The following FYB1 variants were observed in gnomAD, a reference collection of about 807,000 sequenced individuals.
FYB1 encodes the protein FYN binding protein 1.
In FYB1, 41 loss-of-function variants were observed where a neutral mutation model predicts 94.1. That is an observed-to-expected ratio of 0.44 (90% CI 0.34 to 0.57). The LOEUF (loss-of-function observed/expected upper bound fraction) is 0.57. Among genes scored for constraint, FYB1 ranks in the 20% least tolerant of loss-of-function variants. FYB1 has a pLI of 0.02. For missense variants in FYB1, 1,050 were observed against 976.8 expected (o/e 1.07, Z -1.00); for synonymous variants, 367 against 353.2 (o/e 1.04, Z -0.44).
At chr5:39,200,461 T>C (rs1392555774) in intron 2 of FYB1, among the ~76,000 whole-genome samples, 1 of 152,192 alleles carries the variant, frequency 6.6e-6, no homozygotes, top group Non-Finnish European at 1.5e-5. Flanking sequence ...ATGGAGGTCA[T>C]AATACTAAAT....
At chr5:39,152,229 G>A (rs538177240) in intron 3 of FYB1, among the ~76,000 whole-genome samples, 1 of 152,164 alleles carries the variant, frequency 6.6e-6, no homozygotes, top group South Asian at 2.1e-4. Context: ...TAGCCAGGAA[G>A]CTGCTCTAGC....
chr5:39,118,112 C>T (rs773844555), intron 16 of FYB1, among the ~76,000 whole-genome samples: 11 of 152,138 alleles, frequency 7.2e-5, no homozygotes, highest in Non-Finnish European at 1.5e-4. Flanking sequence ...CTATGTTGCT[C>T]AGGCTGGTCT....
intron 1 of FYB1, among the ~76,000 whole-genome samples, chr5:39,232,503 C>T (rs1038530965): frequency 2.0e-5 from 3 of 151,134 alleles, no homozygotes; most frequent in Admixed American, 6.6e-5. Context: ...GTAAGTGTGA[C>T]ATTTTAGCAT....
chr5:39,137,051 G>C (rs1263459055), intron 7 of FYB1, among the ~76,000 whole-genome samples: 1 of 152,076 alleles, frequency 6.6e-6, no homozygotes, highest in Non-Finnish European at 1.5e-5. Context: ...GAATACAGAG[G>C]TCAGAATCCA....
chr5:39,205,330 T>C (rs560147342), intron 1 of FYB1, among the ~76,000 whole-genome samples: 2 of 152,312 alleles, frequency 1.3e-5, no homozygotes, highest in African/African-American at 2.4e-5. Context: ...CAAAATTCTT[T>C]AGGCTTAGTT....
intron 1 of FYB1, among the ~76,000 whole-genome samples, chr5:39,261,750 A>AAAAAG (rs111800452): frequency 0.11 from 16,091 of 151,780 alleles, 1,100 homozygotes; most frequent in African/African-American, 0.19. Context: ...CTGTCTCAAA[A>AAAAAG]AAAAGAAAAG....
intron 2 of FYB1, among the ~76,000 whole-genome samples, chr5:39,166,994 T>C (rs1461939742): frequency 3.3e-5 from 5 of 152,052 alleles, no homozygotes; most frequent in South Asian, 2.1e-4. Context: ...AGTCAAAATA[T>C]AGCACATAAA....
intron 1 of FYB1, among the ~76,000 whole-genome samples, chr5:39,237,219 C>T (rs1751004275): frequency 6.6e-6 from 1 of 151,924 alleles, no homozygotes; most frequent in Admixed American, 6.6e-5. Context: ...GCCAGAGGCA[C>T]CACAAAAGAT....
intron 1 of FYB1, among the ~76,000 whole-genome samples, chr5:39,262,353 G>A (rs886205414): frequency 2.0e-5 from 3 of 152,106 alleles, no homozygotes; most frequent in African/African-American, 7.2e-5. Flanking sequence ...ATAATTTACA[G>A]AAGAGTTTAT....
intron 2 of FYB1, among the ~76,000 whole-genome samples, chr5:39,175,498 T>C (rs1356926649): frequency 1.3e-5 from 2 of 152,220 alleles, no homozygotes; most frequent in Non-Finnish European, 2.9e-5. Flanking sequence ...CTCTGCCTTC[T>C]TCTGGGACTT....
At chr5:39,271,594 C>T (rs1432514233) in intron 1 of FYB1, among the ~76,000 whole-genome samples, 2 of 152,132 alleles carry the variant, frequency 1.3e-5, no homozygotes, top group African/African-American at 4.8e-5. Flanking sequence ...ACTAATTAAT[C>T]CTATATCCAT....
intron 3 of FYB1, among the ~76,000 whole-genome samples, chr5:39,141,539 C>T (rs1005788663): frequency 6.6e-6 from 1 of 152,134 alleles, no homozygotes; most frequent in Non-Finnish European, 1.5e-5. Flanking sequence ...CCTGTAATCC[C>T]AGCACTTTGG....
chr5:39,207,631 A>G (rs1748976184), intron 1 of FYB1, among the ~76,000 whole-genome samples: 1 of 152,200 alleles, frequency 6.6e-6, no homozygotes, highest in Non-Finnish European at 1.5e-5. Flanking sequence ...GTTCATCTAC[A>G]TAGTTTCATT....
At chr5:39,129,423 C>T (rs757353137) in intron 10 of FYB1, among the ~76,000 whole-genome samples, 2 of 151,752 alleles carry the variant, frequency 1.3e-5, no homozygotes, top group Non-Finnish European at 2.9e-5. Context: ...ACTAACACCC[C>T]AAAAGCACAG....
chr5:39,124,363 C>T, intron 12 of FYB1, 85 bp from the exon 13 acceptor site: 1 of 864,544 alleles, frequency 1.2e-6, no homozygotes. Flanking sequence ...TATAAAGGGG[C>T]AATAGCCTAG....
At chr5:39,219,601 A>G (rs1374808986), upstream of FYB1, 9 of 985,206 alleles carry the variant, frequency 9.1e-6, no homozygotes, top group Non-Finnish European at 1.1e-5. Flanking sequence ...TGTCCCGGTC[A>G]GTGGTTGAGT....
At chr5:39,259,355 T>C (rs1752120619) in intron 1 of FYB1, among the ~76,000 whole-genome samples, 1 of 152,212 alleles carries the variant, frequency 6.6e-6, no homozygotes, top group African/African-American at 2.4e-5. Flanking sequence ...AGTAGGCTGG[T>C]TGATTTAGTA....
chr5:39,248,560 C>T (rs835191), intron 1 of FYB1, among the ~76,000 whole-genome samples: 25,610 of 152,048 alleles, frequency 0.17, 5,760 homozygotes, highest in African/African-American at 0.5. Context: ...AAGTATTGGC[C>T]GGGTGCTGTG....
intron 7 of FYB1, among the ~76,000 whole-genome samples, chr5:39,137,127 A>G (rs1741737056): frequency 6.6e-6 from 1 of 152,198 alleles, no homozygotes; most frequent in Admixed American, 6.5e-5. Context: ...CTTAAAGGCA[A>G]CAATATAACT....
Sources: gnomAD v4.1 joint callset for allele counts (sites outside exome capture counted in the v4.1 genomes callset) on GRCh38, gnomAD v4.1.1 for gene constraint, MANE v1.5 for transcripts, NCBI Gene and HGNC (gene_info 2026-07-23, HGNC 2026-07-21) for gene names.